TANC1: variants seen among roughly 807,000 people sequenced by gnomAD.
The protein encoded by TANC1 is protein TANC1.
In TANC1, 77 loss-of-function variants were observed where a neutral mutation model predicts 149.7. That is an observed-to-expected ratio of 0.51 (90% confidence interval 0.43 to 0.62). The LOEUF (loss-of-function observed/expected upper bound fraction) is 0.62. TANC1 is among the 20% of genes least tolerant of loss of function. TANC1 has a pLI of 0.00. For missense variants in TANC1, 1,985 were observed against 2,321.8 expected (o/e 0.85, Z 2.98); for synonymous variants, 854 against 925.0 (o/e 0.92, Z 1.39).
chr2:159,053,278 G>GA (rs767897331), intron 2 of TANC1, among the ~76,000 whole-genome samples: 1,953 of 142,880 alleles, frequency 0.014, 108 homozygotes, highest in Admixed American at 0.11. Context: ...GAGCTTAAGG[G>GA]AAAAAAAAAA....
chr2:159,159,709 TGTGTGTGTGAGA>T (rs2053818771), intron 7 of TANC1, among the ~76,000 whole-genome samples: 1 of 64,466 alleles, frequency 1.6e-5, no homozygotes, highest in South Asian at 6.8e-4. Context: ...TGTGTGTGTG[TGTGTGTGTGAGA>T]GAGAGAGAGA....
At chr2:159,116,093 C>T (rs1023251239) in intron 4 of TANC1, among the ~76,000 whole-genome samples, 12 of 152,048 alleles carry the variant, frequency 7.9e-5, no homozygotes, top group African/African-American at 2.2e-4. Flanking sequence ...GGGCATCTGA[C>T]GCAGAGGCTG....
At chr2:159,132,902 C>T (rs1056624686) in intron 4 of TANC1, among the ~76,000 whole-genome samples, 1 of 152,000 alleles carries the variant, frequency 6.6e-6, no homozygotes, top group African/African-American at 2.4e-5. Context: ...TGAATAGAAC[C>T]GTTCTAAGAC....
intron 7 of TANC1, among the ~76,000 whole-genome samples, chr2:159,157,258 C>G (rs538580010): frequency 1.0e-3 from 158 of 152,208 alleles, no homozygotes; most frequent in African/African-American, 3.7e-3. Flanking sequence ...CACTAGACCC[C>G]TCAGGTTAAA....
intron 18 of TANC1, among the ~76,000 whole-genome samples, chr2:159,198,305 G>C (rs2058011450): frequency 6.6e-6 from 1 of 152,226 alleles, no homozygotes. Flanking sequence ...AGATTGGGAT[G>C]TAGACATCTT....
chr2:159,084,109 G>A (rs576159881), intron 3 of TANC1, among the ~76,000 whole-genome samples: 3 of 152,122 alleles, frequency 2.0e-5, no homozygotes, highest in Admixed American at 1.3e-4. Flanking sequence ...AATTAGCCGG[G>A]GGTGGTGGTG....
chr2:159,064,342 C>CCA (rs2042489820), intron 2 of TANC1, among the ~76,000 whole-genome samples: 9 of 152,184 alleles, frequency 5.9e-5, no homozygotes. Flanking sequence ...AGGCTCTAAG[C>CCA]CATGCCCCTT....
intron 4 of TANC1, among the ~76,000 whole-genome samples, chr2:159,133,847 A>G (rs1371550701): frequency 1.3e-5 from 2 of 152,234 alleles, no homozygotes; most frequent in Middle Eastern, 3.2e-3. Context: ...CTGAAGTTTG[A>G]AATACCGTCC....
chr2:159,144,305 G>A (rs2051796945), intron 5 of TANC1, among the ~76,000 whole-genome samples: 1 of 152,184 alleles, frequency 6.6e-6, no homozygotes, highest in South Asian at 2.1e-4. Context: ...TGATAACTAT[G>A]TTTTGGTATT....
intron 2 of TANC1, among the ~76,000 whole-genome samples, chr2:159,031,982 A>G (rs1325791369): frequency 6.6e-6 from 1 of 152,252 alleles, no homozygotes; most frequent in African/African-American, 2.4e-5. Flanking sequence ...TAGAGACTAC[A>G]GAAACGCTTA....
At chr2:159,027,440 T>C (rs992114551) in intron 2 of TANC1, among the ~76,000 whole-genome samples, 1 of 152,246 alleles carries the variant, frequency 6.6e-6, no homozygotes, top group Non-Finnish European at 1.5e-5. Flanking sequence ...TTTCCAGTAC[T>C]TTGTTCCTCA....
chr2:159,048,584 G>A (rs995676531), intron 2 of TANC1, among the ~76,000 whole-genome samples: 2 of 152,256 alleles, frequency 1.3e-5, no homozygotes, highest in Non-Finnish European at 1.5e-5. Flanking sequence ...TTTTATAAAC[G>A]ACAATGTGAA....
chr2:159,118,253 T>C (rs1268465291), intron 4 of TANC1, among the ~76,000 whole-genome samples: 1 of 152,158 alleles, frequency 6.6e-6, no homozygotes, highest in Non-Finnish European at 1.5e-5. Flanking sequence ...TATGCATGCA[T>C]AGATGCTGTA....
chr2:159,068,777 A>G (rs573615402), intron 3 of TANC1, among the ~76,000 whole-genome samples: 3 of 152,130 alleles, frequency 2.0e-5, no homozygotes, highest in Non-Finnish European at 4.4e-5. Flanking sequence ...AGACTCTGTT[A>G]CCCAGGCTGG....
rs1294342300 is a variant in TANC1, at chr2:159,183,800, AG to A, written c.2511-1988del. ...AGGAGAAATTGGGAATGTAAGGAGG[AG>A]GGACCGGGGCCTGAGTGACGGGGCA... On this transcript the variant is annotated intron_variant, in intron 14 of 26. Transcript: ENST00000263635. Among the ~76,000 whole-genome samples, 26 of 152,056 alleles carry A rather than the reference AG, an allele frequency of 1.7e-4. 1 individual carries two copies. Among genetic ancestry groups the A allele is most frequent in the Admixed American group, 1.7e-3 (26 of 15,270 alleles).
At chr2:159,025,225 C>CTT (rs1350806464) in intron 2 of TANC1, among the ~76,000 whole-genome samples, 33 of 124,640 alleles carry the variant, frequency 2.6e-4, no homozygotes, top group African/African-American at 1.0e-3. Context: ...TTCTTTCTTT[C>CTT]TTTCTTTCTT....
chr2:159,176,209 A>G, intron 12 of TANC1, 143 bp from the exon 13 acceptor site: 2 of 500,986 alleles, frequency 4.0e-6, no homozygotes, highest in Non-Finnish European at 6.8e-6. Flanking sequence ...AATAGAAAAT[A>G]TGCTTCTGTG....
chr2:159,037,287 A>G (rs1051371093), intron 2 of TANC1, among the ~76,000 whole-genome samples: 5 of 152,136 alleles, frequency 3.3e-5, no homozygotes, highest in Admixed American at 2.0e-4. Context: ...GTAGATTGCA[A>G]AAATTTTCTC....
intron 3 of TANC1, among the ~76,000 whole-genome samples, chr2:159,080,884 T>G (rs1333628164): frequency 6.6e-6 from 1 of 152,222 alleles, no homozygotes; most frequent in Admixed American, 6.5e-5. Flanking sequence ...TCCCAACTCC[T>G]GACCAGCAGG....
Sources: allele counts gnomAD v4.1 joint callset (sites outside exome capture counted in the v4.1 genomes callset), GRCh38; gene constraint gnomAD v4.1.1; transcripts MANE v1.5; gene names NCBI Gene and HGNC (gene_info 2026-07-23, HGNC 2026-07-21).